The following GALNT13 variants were observed in gnomAD, a reference collection of about 807,000 sequenced individuals.
GALNT13 encodes polypeptide N-acetylgalactosaminyltransferase 13.
Under a neutral mutation model 64.2 loss-of-function variants are expected in GALNT13, and 28 were observed. The observed-to-expected ratio is 0.44, with a 90% CI of 0.32 to 0.60. The LOEUF is 0.60. GALNT13 is among the 20% of genes least tolerant of loss of function. The pLI, the probability that GALNT13 is intolerant of heterozygous loss-of-function variation, is 0.05. For synonymous variants in GALNT13, 214 were observed against 224.6 expected, an observed-to-expected ratio of 0.95 and a Z score of 0.42; for missense variants, 577 against 669.8, an observed-to-expected ratio of 0.86 and a Z score of 1.53.
the GALNT13 span, among the ~76,000 whole-genome samples, chr2:153,313,856 C>T: frequency 1.3e-5 from 2 of 152,054 alleles, no homozygotes; most frequent in Non-Finnish European, 1.5e-5. Flanking sequence ...AACTTAGAGG[C>T]TTAAAATGTT....
the GALNT13 span, among the ~76,000 whole-genome samples, chr2:153,678,757 A>G: frequency 6.6e-6 from 1 of 152,018 alleles, no homozygotes; most frequent in Non-Finnish European, 1.5e-5. Flanking sequence ...GTATTTATTT[A>G]TAAGCTTTAA....
chr2:153,404,752 G>T, the GALNT13 span, among the ~76,000 whole-genome samples: 4 of 152,138 alleles, frequency 2.6e-5, no homozygotes, highest in African/African-American at 9.7e-5. Flanking sequence ...GTTAATAAAT[G>T]TATAGAAGTA....
At chr2:153,904,349 A>G (rs764938791) in intron 2 of GALNT13, among the ~76,000 whole-genome samples, 1 of 151,922 alleles carries the variant, frequency 6.6e-6, no homozygotes, top group African/African-American at 2.4e-5. Flanking sequence ...ATACTTAGCA[A>G]TGGAATTTCT....
At chr2:154,293,715 A>G (rs1692766172) in intron 8 of GALNT13, among the ~76,000 whole-genome samples, 1 of 152,144 alleles carries the variant, frequency 6.6e-6, no homozygotes. Flanking sequence ...CAAGTTCTTA[A>G]TGACTGGGTC....
At chr2:153,567,524 C>G in the GALNT13 span, among the ~76,000 whole-genome samples, 1 of 152,168 alleles carries the variant, frequency 6.6e-6, no homozygotes, top group African/African-American at 2.4e-5. Flanking sequence ...TTAAAAGGAA[C>G]AACTGGCCAT....
the GALNT13 span, among the ~76,000 whole-genome samples, chr2:153,750,678 T>G: frequency 6.6e-5 from 10 of 151,906 alleles, no homozygotes; most frequent in Non-Finnish European, 1.5e-4. Flanking sequence ...GTCTCCATTT[T>G]CATTTCTGAT....
At chr2:153,534,939 G>C in the GALNT13 span, among the ~76,000 whole-genome samples, 1 of 150,270 alleles carries the variant, frequency 6.7e-6, no homozygotes, top group South Asian at 2.1e-4. Context: ...CTTGGGCTCA[G>C]AGGCCTGACA....
chr2:154,396,004 G>C lies in GALNT13; in HGVS notation c.1170G>C (p.Val390=). Residue 390 remains valine (V), a synonymous_variant, in exon 10 of 13, where the codon GTG becomes GTC. Transcript: ENST00000392825. ...FYIISPGVVK[V]DYGDVSVRKT... is the part of the protein sequence containing the mutation. ...GAAAAATTCCAGGTGTTGTCAAAGT[G>C]GATTATGGAGATGTGTCAGTCAGAA... The C allele has an allele frequency of 6.2e-7, 1 of 1,603,074 alleles. No homozygotes were observed. The highest frequency in any genetic ancestry group is 1.3e-5 in the African/African-American group (1 of 74,288).
At chr2:153,741,023 A>C in the GALNT13 span, among the ~76,000 whole-genome samples, 1 of 152,144 alleles carries the variant, frequency 6.6e-6, no homozygotes, top group Admixed American at 6.6e-5. Flanking sequence ...CTAGAAGCAA[A>C]AGTCCTACTC....
chr2:154,354,273 G>C (rs1235051339), intron 9 of GALNT13, among the ~76,000 whole-genome samples: 1 of 151,704 alleles, frequency 6.6e-6, no homozygotes, highest in Non-Finnish European at 1.5e-5. Context: ...GAGTTGTGAG[G>C]GTTTTAAATT....
the GALNT13 span, among the ~76,000 whole-genome samples, chr2:153,479,817 C>T: frequency 6.6e-6 from 1 of 152,308 alleles, no homozygotes; most frequent in African/African-American, 2.4e-5. Flanking sequence ...TGATTTTGCT[C>T]TAGGTTCCAA....
At chr2:153,703,049 G>A in the GALNT13 span, among the ~76,000 whole-genome samples, 1 of 152,088 alleles carries the variant, frequency 6.6e-6, no homozygotes, top group South Asian at 2.1e-4. Flanking sequence ...TAAGGGAGAC[G>A]TTTATAGGGG....
chr2:153,423,483 T>C, the GALNT13 span: 4 of 152,062 alleles, frequency 2.6e-5, no homozygotes, highest in Middle Eastern at 3.4e-3. Flanking sequence ...TTCATCATTG[T>C]GTGGAGTTCC....
At chr2:153,628,526 A>G in the GALNT13 span, among the ~76,000 whole-genome samples, 1 of 151,404 alleles carries the variant, frequency 6.6e-6, no homozygotes, top group East Asian at 1.9e-4. Context: ...TCCCATCAAT[A>G]CCTAATTTAT....
At chr2:154,184,493 AT>A (rs1476361235) in intron 4 of GALNT13, among the ~76,000 whole-genome samples, 2 of 150,168 alleles carry the variant, frequency 1.3e-5, no homozygotes, top group Admixed American at 1.3e-4. Flanking sequence ...TTCCTTTGTG[AT>A]TTTTTTCTTT....
chr2:153,357,584 C>T, the GALNT13 span, among the ~76,000 whole-genome samples: 2 of 152,034 alleles, frequency 1.3e-5, 1 homozygote, highest in African/African-American at 4.8e-5. Flanking sequence ...GTTTGTTTTT[C>T]TTGAGACAAT....
At chr2:153,553,012 A>G in the GALNT13 span, among the ~76,000 whole-genome samples, 1 of 152,162 alleles carries the variant, frequency 6.6e-6, no homozygotes, top group Non-Finnish European at 1.5e-5. Flanking sequence ...ACAGACTGGT[A>G]TCAGTATGTG....
the GALNT13 span, among the ~76,000 whole-genome samples, chr2:153,475,160 T>G: frequency 6.6e-6 from 1 of 152,206 alleles, no homozygotes; most frequent in African/African-American, 2.4e-5. Flanking sequence ...TGTAAAAAGC[T>G]TCTTGCACAC....
At chr2:153,502,001 CAGAG>C in the GALNT13 span, among the ~76,000 whole-genome samples, 1 of 152,028 alleles carries the variant, frequency 6.6e-6, no homozygotes, top group African/African-American at 2.4e-5. Flanking sequence ...CCAGTTTGCA[CAGAG>C]AGAGACAAAG....
Sources: allele counts gnomAD v4.1 joint callset (sites outside exome capture counted in the v4.1 genomes callset), GRCh38; gene constraint gnomAD v4.1.1; transcripts MANE v1.5; gene names NCBI Gene and HGNC (gene_info 2026-07-23, HGNC 2026-07-21).